The following HMG20A variants were observed in gnomAD, a reference collection of about 807,000 sequenced individuals.
The protein encoded by HMG20A is high mobility group 20A, also known as high mobility group protein 20A.
A neutral mutation model predicts 43.9 loss-of-function variants in HMG20A; 17 were observed. The observed-to-expected ratio is 0.39, with a 90% CI of 0.27 to 0.58. HMG20A has a LOEUF of 0.58. Among genes scored for constraint, HMG20A ranks in the 20% least tolerant of loss-of-function variants. The pLI, the probability that HMG20A is intolerant of heterozygous loss-of-function variation, is 0.59. For synonymous variants in HMG20A, 132 were observed against 147.5 expected (o/e 0.89, Z 0.76); for missense variants, 341 against 438.2 (o/e 0.78, Z 1.98).
At chr15:77,466,411 T>C (rs2072757372) in intron 3 of HMG20A, among the ~76,000 whole-genome samples, 1 of 152,016 alleles carries the variant, frequency 6.6e-6, no homozygotes, top group Admixed American at 6.6e-5. Flanking sequence ...AATGTACATC[T>C]AAAGGAACAA....
the HMG20A span, among the ~76,000 whole-genome samples, chr15:77,495,244 T>C: frequency 6.6e-6 from 1 of 152,196 alleles, no homozygotes; most frequent in Non-Finnish European, 1.5e-5. Flanking sequence ...GCAGGCCCAG[T>C]AGCTTCCAAA....
chr15:77,519,475 T>C, the HMG20A span, among the ~76,000 whole-genome samples: 1 of 152,196 alleles, frequency 6.6e-6, no homozygotes, highest in Non-Finnish European at 1.5e-5. Context: ...TGTGATAGTA[T>C]TAAGAGGTGG....
intron 6 of HMG20A, 84 bp downstream of exon 6, chr15:77,471,898 T>A (rs1322381740): frequency 1.3e-5 from 9 of 671,696 alleles, no homozygotes; most frequent in East Asian, 5.8e-5. Flanking sequence ...TTTTTTTTTT[T>A]AATGAATGGC....
rs569184645 is a variant in HMG20A, at chr15:77,437,828, C to G, written c.-5+16824C>G. Among the ~76,000 whole-genome samples, 9 of 152,324 alleles carry G rather than the reference C, an allele frequency of 5.9e-5. No individual in the cohort carries two copies. The East Asian group carries it at 1.7e-3, about 29-fold the overall frequency. On this transcript the variant is annotated intron_variant, in intron 1 of 9. Transcript: ENST00000336216. ...ACCTCAGATGATCTCCCTGCCTCGG[C>G]CTCCCAAAGTGTTGGGATTACATGT... is the stretch of plus-strand genomic sequence containing the variant.
Position 77,434,734 on chromosome 15 carries a change from A to G in HMG20A, c.-5+13730A>G, listed in dbSNP as rs189862183. ...CACTGAAATGGCTAAAATTAAAAAG[A>G]TTGAGAATATCAAGTATTGATGATG... On this transcript the variant is annotated intron_variant, in intron 1 of 9. Coordinates refer to ENST00000336216, the MANE Select transcript of HMG20A (RefSeq NM_001304504.2). Among the ~76,000 whole-genome samples, 307 of 152,282 alleles carry G rather than the reference A, an allele frequency of 2.0e-3. 2 individuals carry two copies. Among genetic ancestry groups the G allele is most frequent in the Middle Eastern group, 3.4e-3 (1 of 294 alleles).
chr15:77,477,480 A>G, intron 6 of HMG20A, 75 bp from the exon 7 acceptor site: 1 of 1,024,090 alleles, frequency 9.8e-7, no homozygotes, highest in Non-Finnish European at 1.5e-6. Flanking sequence ...AGAAGACATG[A>G]TCATTGTCTT....
intron 2 of HMG20A, among the ~76,000 whole-genome samples, chr15:77,460,856 C>T (rs551316592): frequency 1.1e-4 from 17 of 152,146 alleles, no homozygotes; most frequent in Admixed American, 2.6e-4. Flanking sequence ...TGTGGTGGCA[C>T]GTGCCTGTAA....
intron 1 of HMG20A, among the ~76,000 whole-genome samples, chr15:77,425,050 A>T (rs2073412250): frequency 6.6e-6 from 1 of 152,022 alleles, no homozygotes; most frequent in Admixed American, 6.6e-5. Flanking sequence ...AGGAATCCCC[A>T]TCTATCAAAA....
At chr15:77,474,275 A>G (rs1257036883) in intron 6 of HMG20A, among the ~76,000 whole-genome samples, 1 of 152,218 alleles carries the variant, frequency 6.6e-6, no homozygotes, top group Non-Finnish European at 1.5e-5. Context: ...TCTAAAGACC[A>G]TAGATCCTAA....
At chr15:77,471,883 G>T in intron 6 of HMG20A, 69 bp downstream of exon 6, 164 of 811,812 alleles carry the variant, frequency 2.0e-4, no homozygotes, top group South Asian at 8.9e-4. Context: ...AAATGCTATT[G>T]GATTTTTTTT....
rs2072921054 is a variant in HMG20A, at chr15:77,483,397, TG to T, written c.*439del. ...TAGCTGTCACTTTTTTAAATGCCTCTGGGGGTTATTTTTGCTTTCCTTGGCC... is the reference window on the plus strand; with the variant it reads ...TAGCTGTCACTTTTTTAAATGCCTCTGGGGTTATTTTTGCTTTCCTTGGCC... On this transcript the variant is annotated 3_prime_UTR_variant, in exon 10 of 10. Transcript: ENST00000336216. 6.6e-6 allele frequency: 1 copy of T among 152,504 alleles called. No individual in the cohort carries two copies. Among genetic ancestry groups the T allele is most frequent in the Non-Finnish European group, 1.5e-5 (1 of 68,050 alleles). The allele number at this position is 152,504 out of a possible 1,614,324, so 9.4% of individuals were successfully genotyped here.
intron 7 of HMG20A, chr15:77,477,981 C>T (rs1221460818): frequency 2.1e-6 from 1 of 487,634 alleles, no homozygotes. Flanking sequence ...CAGGATCCCC[C>T]TGCAAAACCC....
At chr15:77,465,393 GT>G (rs1158735696) in intron 3 of HMG20A, among the ~76,000 whole-genome samples, 2 of 127,912 alleles carry the variant, frequency 1.6e-5, no homozygotes, top group Non-Finnish European at 3.6e-5. Context: ...TTGTTCTGTT[GT>G]TTTTTGTTTT....
intron 1 of HMG20A, among the ~76,000 whole-genome samples, chr15:77,442,939 C>T (rs1233240752): frequency 1.3e-5 from 2 of 149,626 alleles, no homozygotes; most frequent in Non-Finnish European, 3.0e-5. Flanking sequence ...TTTAAAGTAA[C>T]AAAACCATAC....
intron 1 of HMG20A, among the ~76,000 whole-genome samples, chr15:77,437,631 G>A (rs915373966): frequency 1.2e-4 from 19 of 152,260 alleles, no homozygotes; most frequent in African/African-American, 4.6e-4. Flanking sequence ...GAGTGCGGTG[G>A]CGTGATCTCA....
chr15:77,460,551 G>T (rs958343856), intron 2 of HMG20A, among the ~76,000 whole-genome samples: 1 of 152,152 alleles, frequency 6.6e-6, no homozygotes, highest in Non-Finnish European at 1.5e-5. Context: ...AAGTTTAGGC[G>T]AGACAGAGAA....
At chr15:77,431,795 C>T (rs1395997198) in intron 1 of HMG20A, among the ~76,000 whole-genome samples, 4 of 152,096 alleles carry the variant, frequency 2.6e-5, no homozygotes, top group African/African-American at 4.8e-5. Flanking sequence ...AACATCTTCC[C>T]AGCCCCACCC....
At chr15:77,443,379 G>GATGATGATGATTATTATTATT (rs576920554) in intron 1 of HMG20A, among the ~76,000 whole-genome samples, 10 of 131,314 alleles carry the variant, frequency 7.6e-5, no homozygotes, top group African/African-American at 2.8e-4. Context: ...TGATGATGAT[G>GATGATGATGATTATTATTATT]ATTATTATTA....
chr15:77,487,576 T>TA (rs2072952164), downstream of HMG20A, among the ~76,000 whole-genome samples: 1 of 152,218 alleles, frequency 6.6e-6, no homozygotes, highest in Non-Finnish European at 1.5e-5. Flanking sequence ...TCTTGTTTAG[T>TA]AAAAATCAAC....
Sources: allele counts gnomAD v4.1 joint callset (sites outside exome capture counted in the v4.1 genomes callset), GRCh38; gene constraint gnomAD v4.1.1; transcripts MANE v1.5; gene names NCBI Gene and HGNC (gene_info 2026-07-23, HGNC 2026-07-21).